KIAA1217: variants seen among roughly 807,000 people sequenced by gnomAD.
KIAA1217 encodes KIAA1217, also known as sickle tail protein homolog.
A neutral mutation model predicts 163.9 loss-of-function variants in KIAA1217; 88 were observed. The ratio of observed to expected loss-of-function variants is 0.54; its 90% CI spans 0.45 to 0.64. The LOEUF (loss-of-function observed/expected upper bound fraction) is 0.64. Among genes scored for constraint, KIAA1217 ranks in the 30% least tolerant of loss-of-function variants. The pLI is 0.00. For missense variants in KIAA1217, 2,372 were observed against 2,475.0 expected (o/e 0.96, Z 0.88); for synonymous variants, 903 against 923.1 (o/e 0.98, Z 0.39).
intron 1 of KIAA1217, among the ~76,000 whole-genome samples, chr10:23,715,051 T>C (rs1426674657): frequency 6.6e-6 from 1 of 152,172 alleles, no homozygotes; most frequent in African/African-American, 2.4e-5. Flanking sequence ...GATGATAACA[T>C]CGAGATTGTA....
At chr10:24,370,131 G>A (rs540449748) in intron 2 of KIAA1217, among the ~76,000 whole-genome samples, 13 of 152,156 alleles carry the variant, frequency 8.5e-5, no homozygotes, top group African/African-American at 2.2e-4. Flanking sequence ...CAGGCGTGAT[G>A]GCGGGCGCCT....
At chr10:23,725,253 G>A (rs1427804419) in intron 1 of KIAA1217, among the ~76,000 whole-genome samples, 1 of 152,218 alleles carries the variant, frequency 6.6e-6, no homozygotes, top group Non-Finnish European at 1.5e-5. Flanking sequence ...TAATAAAACA[G>A]TGTGACTGAT....
intron 1 of KIAA1217, among the ~76,000 whole-genome samples, chr10:23,947,637 T>G (rs1055426372): frequency 6.6e-6 from 1 of 152,200 alleles, no homozygotes; most frequent in Non-Finnish European, 1.5e-5. Flanking sequence ...GTGTTAAAAT[T>G]ATAAAATTGC....
Position 23,789,909 on chromosome 10 carries a change from A to G in KIAA1217, c.-321+94675A>G, listed in dbSNP as rs12785118. ...TATCATATATATGATATATACATAT[A>G]CATATGCATATACATGTATATATAC... On this transcript the variant is annotated intron_variant, in intron 1 of 18. Transcript: ENST00000376462. Among the ~76,000 whole-genome samples the G allele has an allele frequency of 3.0e-3, 280 of 93,192 alleles. 3 individuals carry two copies. Among genetic ancestry groups the G allele is most frequent in the Middle Eastern group, 0.013 (2 of 154 alleles). The allele number at this position is 93,192 out of a possible 152,430, so 61.1% of individuals were successfully genotyped here. A position where few individuals can be genotyped will look rare whatever the true frequency, so the allele number is the denominator to read the frequency against.
At chr10:24,038,747 C>CTTT (rs3072773) in intron 2 of KIAA1217, among the ~76,000 whole-genome samples, 8 of 76,288 alleles carry the variant, frequency 1.0e-4, no homozygotes, top group East Asian at 4.6e-4. Flanking sequence ...CTGAGAATTG[C>CTTT]TTTTTTTTTT....
At chr10:24,459,835 G>T (rs1314941413) in intron 5 of KIAA1217, among the ~76,000 whole-genome samples, 1 of 152,190 alleles carries the variant, frequency 6.6e-6, no homozygotes, top group Non-Finnish European at 1.5e-5. Flanking sequence ...GGAGGCTGAG[G>T]TGGGAGGATC....
At chr10:23,963,581 T>G (rs758737693) in intron 1 of KIAA1217, among the ~76,000 whole-genome samples, 2 of 152,096 alleles carry the variant, frequency 1.3e-5, no homozygotes, top group Non-Finnish European at 2.9e-5. Flanking sequence ...AACATAGAGG[T>G]GCATGCATCT....
At chr10:24,079,346 GA>G (rs1292752293) in intron 2 of KIAA1217, among the ~76,000 whole-genome samples, 1 of 152,160 alleles carries the variant, frequency 6.6e-6, no homozygotes, top group Non-Finnish European at 1.5e-5. Flanking sequence ...AGGGCCATTT[GA>G]AGCTATTATA....
intron 1 of KIAA1217, among the ~76,000 whole-genome samples, chr10:23,821,999 A>G (rs934750403): frequency 2.0e-5 from 3 of 152,220 alleles, no homozygotes; most frequent in South Asian, 4.1e-4. Context: ...TGTTCAGGCT[A>G]CAGCTACTCA....
intron 1 of KIAA1217, among the ~76,000 whole-genome samples, chr10:23,894,122 G>A (rs1159238797): frequency 3.3e-5 from 5 of 149,930 alleles, no homozygotes; most frequent in Non-Finnish European, 6.0e-5. Context: ...TCAACATAGT[G>A]TTGGAAGTTC....
intron 5 of KIAA1217, among the ~76,000 whole-genome samples, chr10:24,447,229 A>G (rs903082018): frequency 6.6e-6 from 1 of 151,364 alleles, no homozygotes; most frequent in Admixed American, 6.6e-5. Flanking sequence ...TGAATGATTT[A>G]TATATTTATT....
chr10:24,364,015 G>C (rs1271538900), intron 2 of KIAA1217, among the ~76,000 whole-genome samples: 1 of 143,116 alleles, frequency 7.0e-6, no homozygotes, highest in East Asian at 2.0e-4. Context: ...TTTTGCTCTT[G>C]TCGCCCAGGC....
chr10:24,031,542 C>T (rs11598668), intron 2 of KIAA1217, among the ~76,000 whole-genome samples: 30,445 of 152,134 alleles, frequency 0.2, 3,665 homozygotes, highest in Middle Eastern at 0.38. Flanking sequence ...TCAAATGATC[C>T]GCCCACCTTG....
intron 2 of KIAA1217, among the ~76,000 whole-genome samples, chr10:24,150,576 A>G (rs997724015): frequency 1.3e-5 from 2 of 152,142 alleles, no homozygotes; most frequent in African/African-American, 4.8e-5. Flanking sequence ...AATTGTCCTG[A>G]TAGAGTGTAA....
At chr10:23,941,387 A>G (rs1438308229) in intron 1 of KIAA1217, among the ~76,000 whole-genome samples, 1 of 152,224 alleles carries the variant, frequency 6.6e-6, no homozygotes, top group African/African-American at 2.4e-5. Context: ...CAATTATTCA[A>G]AGTTACTACA....
At chr10:24,215,437 G>A (rs528304622) in intron 1 of KIAA1217, among the ~76,000 whole-genome samples, 41 of 152,148 alleles carry the variant, frequency 2.7e-4, no homozygotes, top group Non-Finnish European at 4.6e-4. Flanking sequence ...ACACCAAAGC[G>A]CATTCCAAAC....
intron 2 of KIAA1217, among the ~76,000 whole-genome samples, chr10:24,047,487 GC>G (rs1352135653): frequency 2.0e-5 from 3 of 152,154 alleles, no homozygotes; most frequent in African/African-American, 7.2e-5. Flanking sequence ...GTTCTCAAGA[GC>G]TCATATCCTG....
intron 2 of KIAA1217, among the ~76,000 whole-genome samples, chr10:24,191,892 T>G (rs999581069): frequency 2.6e-5 from 4 of 152,342 alleles, no homozygotes; most frequent in Admixed American, 2.6e-4. Context: ...TAGCTGGGAC[T>G]ACAAGTGTGC....
chr10:23,888,784 C>T (rs187534080), intron 1 of KIAA1217, among the ~76,000 whole-genome samples: 80 of 151,830 alleles, frequency 5.3e-4, no homozygotes, highest in Non-Finnish European at 8.0e-4. Flanking sequence ...ATTCCAACAC[C>T]CAAATCAAGA....
Sources: gnomAD v4.1 joint callset for allele counts (sites outside exome capture counted in the v4.1 genomes callset) on GRCh38, gnomAD v4.1.1 for gene constraint, MANE v1.5 for transcripts, NCBI Gene and HGNC (gene_info 2026-07-23, HGNC 2026-07-21) for gene names.